Variants in NLGN1 observed in about 807,000 individuals in gnomAD.
NLGN1 encodes neuroligin-1.
NLGN1 carries 12 observed loss-of-function variants against 65.5 expected under a neutral mutation model. The ratio of observed to expected loss-of-function variants is 0.18; its 90% confidence interval spans 0.12 to 0.30. The LOEUF (loss-of-function observed/expected upper bound fraction) is 0.30, where lower values mean the gene tolerates loss of function less well. Among genes scored for constraint, NLGN1 ranks in the 10% least tolerant of loss-of-function variants. The probability of loss-of-function intolerance (pLI) is 1.00; values close to 1 mark genes in which losing one functional copy is unlikely to be tolerated. For missense variants in NLGN1, 750 were observed against 1,007.1 expected (o/e 0.74, Z 3.46); for synonymous variants, 350 against 359.5 (o/e 0.97, Z 0.30).
At chr3:173,740,106 A>G (rs1774414611) in intron 3 of NLGN1, among the ~76,000 whole-genome samples, 1 of 152,150 alleles carries the variant, frequency 6.6e-6, no homozygotes, top group African/African-American at 2.4e-5. Context: ...AGAGACTATT[A>G]AGATTCAAAA....
At chr3:173,699,690 A>T (rs955940424) in intron 3 of NLGN1, among the ~76,000 whole-genome samples, 1 of 152,224 alleles carries the variant, frequency 6.6e-6, no homozygotes, top group Non-Finnish European at 1.5e-5. Flanking sequence ...ACTATTGAAA[A>T]TGGGAATTAT....
chr3:173,814,376 A>G (rs908291677), intron 4 of NLGN1, among the ~76,000 whole-genome samples: 3 of 152,226 alleles, frequency 2.0e-5, no homozygotes, highest in East Asian at 1.9e-4. Flanking sequence ...ATGGTAATCA[A>G]TTTTAGATTG....
chr3:173,960,657 A>T (rs1473453770), intron 4 of NLGN1, among the ~76,000 whole-genome samples: 1 of 151,994 alleles, frequency 6.6e-6, no homozygotes, highest in East Asian at 1.9e-4. Flanking sequence ...TTTAAATATA[A>T]ACTATACAAA....
At chr3:174,109,759 T>G (rs1427484346) in intron 4 of NLGN1, among the ~76,000 whole-genome samples, 1 of 152,062 alleles carries the variant, frequency 6.6e-6, no homozygotes, top group Non-Finnish European at 1.5e-5. Context: ...ATATTTTAGG[T>G]GTCTAAATAT....
At chr3:173,491,041 CAG>C (rs1287258210) in intron 2 of NLGN1, among the ~76,000 whole-genome samples, 1 of 151,808 alleles carries the variant, frequency 6.6e-6, no homozygotes, top group African/African-American at 2.4e-5. Flanking sequence ...CATCTGCAAA[CAG>C]GGACAATTTG....
At chr3:173,531,562 A>AACACACACACAC (rs1268271677) in intron 2 of NLGN1, among the ~76,000 whole-genome samples, 1 of 60,482 alleles carries the variant, frequency 1.7e-5, no homozygotes. Context: ...ACCTGTGTGA[A>AACACACACACAC]ATACACACAC....
Position 173,472,279 on chromosome 3 carries a change from T to C in NLGN1, c.-321+37201T>C, listed in dbSNP as rs568710955. Among the ~76,000 whole-genome samples the C allele has an allele frequency of 3.9e-5, 6 of 152,188 alleles. 1 individual carries two copies. In the East Asian group the frequency reaches 1.2e-3, roughly 29 times the overall value. ...ATATTCTACTCTCTGTTTCCTCCAC[T>C]TTTTTTGTTTTAGTTTTACCTGCAG... On this transcript the variant is annotated intron_variant, in intron 2 of 6. Coordinates refer to ENST00000457714, the Ensembl canonical transcript of NLGN1.
At chr3:174,063,668 G>A (rs937096280) in intron 4 of NLGN1, among the ~76,000 whole-genome samples, 30 of 151,986 alleles carry the variant, frequency 2.0e-4, no homozygotes, top group African/African-American at 7.2e-4. Flanking sequence ...GGTAATGTGT[G>A]TATTTATGTG....
intron 2 of NLGN1, among the ~76,000 whole-genome samples, chr3:173,556,810 A>G (rs1228353088): frequency 6.6e-6 from 1 of 151,744 alleles, no homozygotes. Context: ...TCTCAAAAAA[A>G]GGAAAAATTG....
intron 3 of NLGN1, chr3:173,644,351 G>A (rs1226944735): frequency 6.4e-6 from 1 of 157,010 alleles, no homozygotes; most frequent in Non-Finnish European, 1.5e-5. Context: ...GGAAGTTCCA[G>A]GCAAGCATGT....
chr3:173,530,230 C>T (rs539473040), intron 2 of NLGN1, among the ~76,000 whole-genome samples: 6 of 152,196 alleles, frequency 3.9e-5, no homozygotes, highest in Non-Finnish European at 8.8e-5. Flanking sequence ...GCTGGGATTA[C>T]AGGCGTGAGC....
intron 4 of NLGN1, among the ~76,000 whole-genome samples, chr3:174,012,885 T>G (rs777953453): frequency 3.3e-5 from 5 of 152,158 alleles, no homozygotes; most frequent in Non-Finnish European, 5.9e-5. Context: ...GGGCTTCAAT[T>G]TCTTTGAGGA....
chr3:173,586,087 A>G (rs1418662839), intron 2 of NLGN1, among the ~76,000 whole-genome samples: 1 of 152,210 alleles, frequency 6.6e-6, no homozygotes, highest in Non-Finnish European at 1.5e-5. Context: ...AAATGTGTTC[A>G]GTAGGTTAAC....
intron 4 of NLGN1, among the ~76,000 whole-genome samples, chr3:173,861,442 T>C (rs1055138787): frequency 1.3e-5 from 2 of 151,730 alleles, no homozygotes; most frequent in African/African-American, 4.8e-5. Context: ...GTGTTTAGTC[T>C]CCCAAATTAC....
intron 3 of NLGN1, among the ~76,000 whole-genome samples, chr3:173,767,033 G>A (rs183766600): frequency 6.6e-6 from 1 of 152,202 alleles, no homozygotes; most frequent in African/African-American, 2.4e-5. Flanking sequence ...AACATAAATA[G>A]TAATTACAAT....
At chr3:173,493,882 AT>A (rs749441291) in intron 2 of NLGN1, among the ~76,000 whole-genome samples, 6 of 151,584 alleles carry the variant, frequency 4.0e-5, no homozygotes, top group African/African-American at 9.7e-5. Context: ...CTTATTTTTG[AT>A]TTTTTTGAAA....
intron 4 of NLGN1, among the ~76,000 whole-genome samples, chr3:173,884,976 A>C (rs1560559330): frequency 6.6e-6 from 1 of 152,066 alleles, no homozygotes; most frequent in South Asian, 2.1e-4. Flanking sequence ...GCCCTTTTAT[A>C]GGTTGCTGAT....
At chr3:173,879,638 GTTT>G (rs397877454) in intron 4 of NLGN1, among the ~76,000 whole-genome samples, 3 of 141,976 alleles carry the variant, frequency 2.1e-5, no homozygotes, top group African/African-American at 8.2e-5. Flanking sequence ...TTTTCTGTGT[GTTT>G]TTTTTTTTAT....
intron 4 of NLGN1, among the ~76,000 whole-genome samples, chr3:173,909,841 G>A (rs1739223316): frequency 1.3e-5 from 2 of 152,124 alleles, no homozygotes; most frequent in South Asian, 4.1e-4. Context: ...ACCACGCCCA[G>A]CTAATTTTGT....
Sources: allele counts gnomAD v4.1 joint callset (sites outside exome capture counted in the v4.1 genomes callset), GRCh38; gene constraint gnomAD v4.1.1; transcripts MANE v1.5; gene names NCBI Gene and HGNC (gene_info 2026-07-23, HGNC 2026-07-21).